The following MPP7 variants were observed in gnomAD, a reference collection of about 807,000 sequenced individuals.
The protein encoded by MPP7 is MAGUK p55 scaffold protein 7.
Under a neutral mutation model 76.5 loss-of-function variants are expected in MPP7, and 60 were observed. The observed-to-expected ratio is 0.78, with a 90% CI of 0.64 to 0.97. The LOEUF is 0.97. Ranked by LOEUF, MPP7 falls within the 50% of genes least tolerant of loss-of-function variation. The pLI is 0.00. For synonymous variants in MPP7, 237 were observed against 244.5 expected, an observed-to-expected ratio of 0.97 and a Z score of 0.29; for missense variants, 641 against 694.0, an observed-to-expected ratio of 0.92 and a Z score of 0.86.
At position 28,053,246 on chromosome 10, in the gene MPP7, A is replaced by G. The variant is rs777825297; in HGVS notation, c.*819T>C. On this transcript the variant is annotated 3_prime_UTR_variant, in exon 17 of 17. Transcript: ENST00000683449. ...AAAATCCAAAACCAGCTAAAATAAC[A>G]TTTTGGGTGACTTCATAAATTGTCT... 23 of 152,204 alleles carry G rather than the reference A, an allele frequency of 1.5e-4. No individual in the cohort carries two copies. Among genetic ancestry groups the G allele is most frequent in the Non-Finnish European group, 2.6e-4 (18 of 68,028 alleles). The allele number at this position is 152,204 out of a possible 1,614,324, so 9.4% of individuals were successfully genotyped here. A position where few individuals can be genotyped will look rare whatever the true frequency, so the allele number is the denominator to read the frequency against.
intron 12 of MPP7, among the ~76,000 whole-genome samples, chr10:28,076,830 C>G (rs1199853927): frequency 6.6e-6 from 1 of 151,350 alleles, no homozygotes; most frequent in Non-Finnish European, 1.5e-5. Flanking sequence ...AGAGGTTACA[C>G]TGAGCTGAGA....
intron 2 of MPP7, among the ~76,000 whole-genome samples, chr10:28,319,486 G>C (rs1010503028): frequency 3.3e-5 from 5 of 151,892 alleles, no homozygotes; most frequent in African/African-American, 1.2e-4. Flanking sequence ...AGATCAGCCT[G>C]AGCAACATGG....
intron 3 of MPP7, among the ~76,000 whole-genome samples, chr10:28,174,284 T>C (rs1194709476): frequency 6.6e-6 from 1 of 152,206 alleles, no homozygotes; most frequent in East Asian, 1.9e-4. Flanking sequence ...TGTTGAAATG[T>C]TGGAGGTGGG....
intron 2 of MPP7, among the ~76,000 whole-genome samples, chr10:28,232,087 T>G (rs1838903742): frequency 6.6e-6 from 1 of 152,116 alleles, no homozygotes; most frequent in South Asian, 2.1e-4. Context: ...CCAGGCACAA[T>G]AGCTCACACC....
intron 11 of MPP7, among the ~76,000 whole-genome samples, chr10:28,094,439 T>C (rs1192055629): frequency 1.3e-5 from 2 of 152,154 alleles, no homozygotes; most frequent in Admixed American, 6.5e-5. Flanking sequence ...ATACAGATTA[T>C]AGTAGTAGCT....
chr10:28,274,164 G>A (rs907501740), intron 1 of MPP7, among the ~76,000 whole-genome samples: 11 of 146,590 alleles, frequency 7.5e-5, no homozygotes, highest in East Asian at 6.0e-4. Flanking sequence ...GTGCAGTGGC[G>A]CAGTCTCGGC....
At chr10:28,072,245 G>A (rs1328525278) in intron 12 of MPP7, among the ~76,000 whole-genome samples, 1 of 152,180 alleles carries the variant, frequency 6.6e-6, no homozygotes, top group South Asian at 2.1e-4. Context: ...CTGCACTCCA[G>A]CTTGGGCGAC....
At position 28,273,433 on chromosome 10, in the gene MPP7, A is replaced by G. The variant is rs76857148; in HGVS notation, c.-132+29428T>C. 1.9e-3 allele frequency among the ~76,000 whole-genome samples: 295 copies of G among 152,304 alleles called. 1 individual carries two copies. Among genetic ancestry groups the G allele is most frequent in the African/African-American group, 6.8e-3 (283 of 41,572 alleles). The stretch of plus-strand genomic sequence containing the variant: ...ATTCAGATCAAGGTGTTTTGTCAAG[A>G]TTTCCTAGGTGTCCTCTTTATTGGT... On this transcript the variant is annotated intron_variant, in intron 1 of 16. Coordinates refer to ENST00000683449, the MANE Select transcript of MPP7 (RefSeq NM_001318170.2).
chr10:28,301,232 T>A (rs1430428210), intron 1 of MPP7, among the ~76,000 whole-genome samples: 2 of 152,202 alleles, frequency 1.3e-5, no homozygotes, highest in Non-Finnish European at 2.9e-5. Context: ...TGCATTACAC[T>A]TCATTAGTAT....
chr10:28,305,968 TGAG>T (rs1227245001), upstream of MPP7: 2 of 152,190 alleles, frequency 1.3e-5, no homozygotes, highest in Non-Finnish European at 2.9e-5. Flanking sequence ...ATAGTAACGG[TGAG>T]CAGTATTAAT....
rs377743554 is a variant in MPP7 at position 28,309,033 on chromosome 10, A to G, written c.-132+20896T>C. ...TCAAGCCTGAGGATCACTTGACCCA[A>G]GGAAGCAGTCTTTATTTCCAGCCTT... On this transcript the variant is annotated intron_variant, in intron 2 of 11. Transcript: ENST00000441595. 9.8e-5 allele frequency among the ~76,000 whole-genome samples: 15 copies of G among 152,332 alleles called. No individual in the cohort carries two copies. The South Asian group carries it at 2.9e-3, about 29-fold the overall frequency.
At chr10:28,332,892 A>G (rs111782221) in intron 1 of MPP7, among the ~76,000 whole-genome samples, 17,461 of 151,620 alleles carry the variant, frequency 0.12, 1,101 homozygotes, top group Middle Eastern at 0.15. Context: ...CAAACTCCCA[A>G]CCTCAAGCAA....
rs1214749336 is a variant in MPP7 at position 28,053,201 on chromosome 10, CCTT to C, written c.*861_*863del. ...GTTTTACATGTTTTAGAATAGAAATCCTTCTTCTAATTTATTGGAAAAATCCAA... is the reference window on the plus strand; with the variant it reads ...GTTTTACATGTTTTAGAATAGAAATCCTTCTAATTTATTGGAAAAATCCAA... On this transcript the variant is annotated 3_prime_UTR_variant, in exon 17 of 17. Transcript: ENST00000683449. The C allele has an allele frequency of 6.6e-6, 1 of 151,960 alleles. No individual in the cohort carries two copies. The highest frequency in any genetic ancestry group is 1.9e-4 in the East Asian group (1 of 5,180). The allele number at this position is 151,960 out of a possible 1,614,324, so 9.4% of individuals were successfully genotyped here. A position where few individuals can be genotyped will look rare whatever the true frequency, so the allele number is the denominator to read the frequency against.
intron 2 of MPP7, among the ~76,000 whole-genome samples, chr10:28,216,135 T>TTC (rs397947452): frequency 9.7e-6 from 1 of 103,158 alleles, no homozygotes; most frequent in Non-Finnish European, 2.0e-5. Context: ...CACCCAACAC[T>TTC]GGGAGGCTGA....
intron 2 of MPP7, among the ~76,000 whole-genome samples, chr10:28,318,287 A>G (rs775320587): frequency 6.6e-6 from 1 of 152,210 alleles, no homozygotes; most frequent in Non-Finnish European, 1.5e-5. Flanking sequence ...ACGACACTTC[A>G]AAGCACTGAG....
chr10:28,317,982 G>C (rs1162632714), intron 2 of MPP7, among the ~76,000 whole-genome samples: 1 of 152,238 alleles, frequency 6.6e-6, no homozygotes, highest in Non-Finnish European at 1.5e-5. Context: ...GCAGTACCCT[G>C]TGCAGTACAC....
chr10:28,251,724 A>C (rs1276381210), intron 1 of MPP7, among the ~76,000 whole-genome samples: 1 of 151,984 alleles, frequency 6.6e-6, no homozygotes, highest in Non-Finnish European at 1.5e-5. Flanking sequence ...TCAATACACC[A>C]ACACAGGAGG....
intron 12 of MPP7, among the ~76,000 whole-genome samples, chr10:28,074,815 A>G (rs1852411276): frequency 6.6e-6 from 1 of 152,280 alleles, no homozygotes; most frequent in East Asian, 1.9e-4. Flanking sequence ...ACAGCCCTTC[A>G]TGTTTCCACT....
chr10:28,284,762 T>G (rs1319975454), intron 1 of MPP7, among the ~76,000 whole-genome samples: 2 of 152,228 alleles, frequency 1.3e-5, no homozygotes, highest in Non-Finnish European at 2.9e-5. Context: ...ACTTACTCTA[T>G]TATGAACCTT....
Sources: gnomAD v4.1 joint callset for allele counts (sites outside exome capture counted in the v4.1 genomes callset) on GRCh38, gnomAD v4.1.1 for gene constraint, MANE v1.5 for transcripts, NCBI Gene and HGNC (gene_info 2026-07-23, HGNC 2026-07-21) for gene names.